Variants in NRG1 observed in about 807,000 individuals in gnomAD.
NRG1 encodes pro-neuregulin-1, membrane-bound isoform.
In NRG1, 18 loss-of-function variants were observed where a neutral mutation model predicts 63.8. The ratio of observed to expected loss-of-function variants is 0.28; its 90% confidence interval spans 0.19 to 0.42. NRG1 has a LOEUF of 0.42. Ranked by LOEUF, NRG1 falls within the 10% of genes least tolerant of loss-of-function variation. The probability of loss-of-function intolerance (pLI) is 1.00; values close to 1 mark genes in which losing one functional copy is unlikely to be tolerated. For missense variants in NRG1, 762 were observed against 814.7 expected (o/e 0.94, Z 0.79); for synonymous variants, 302 against 301.3 (o/e 1.00, Z -0.02).
chr8:32,197,145 C>T (rs1473751171), intron 1 of NRG1, among the ~76,000 whole-genome samples: 5 of 151,338 alleles, frequency 3.3e-5, no homozygotes, highest in Non-Finnish European at 5.9e-5. Context: ...TTTTTTAGTA[C>T]AAAATGGGAT....
rs1816459304 is a variant in NRG1 at position 31,751,495 on chromosome 8, G to A, written c.37+112064G>A. 4.6e-5 allele frequency among the ~76,000 whole-genome samples: 7 copies of A among 151,902 alleles called. No individual in the cohort carries two copies. In the South Asian group the frequency reaches 1.4e-3, roughly 31 times the overall value. On this transcript the variant is annotated intron_variant, in intron 1 of 10. Transcript: ENST00000519301. ...GAGAGTGTGGGAGAGTACTATATAA[G>A]CTAAGAGGGAGGATATAGGCAGGAG...
intron 1 of NRG1, among the ~76,000 whole-genome samples, chr8:32,104,523 A>G (rs1831006998): frequency 6.6e-6 from 1 of 152,294 alleles, no homozygotes; most frequent in African/African-American, 2.4e-5. Context: ...AATTAATGTT[A>G]GCTTACTGTA....
chr8:32,640,692 CT>C (rs761711796), intron 5 of NRG1, among the ~76,000 whole-genome samples: 1 of 151,630 alleles, frequency 6.6e-6, no homozygotes, highest in Non-Finnish European at 1.5e-5. Flanking sequence ...GTCATTGAGA[CT>C]CTGAATTCAA....
intron 1 of NRG1, among the ~76,000 whole-genome samples, chr8:32,447,841 C>T (rs1475066835): frequency 6.9e-6 from 1 of 145,572 alleles, no homozygotes; most frequent in Non-Finnish European, 1.5e-5. Context: ...AAAGCCAAAC[C>T]CTGTGTCAAA....
At chr8:31,757,038 T>C (rs968673358) in intron 1 of NRG1, among the ~76,000 whole-genome samples, 1 of 152,204 alleles carries the variant, frequency 6.6e-6, no homozygotes, top group Admixed American at 6.5e-5. Flanking sequence ...TGCAAAGTTA[T>C]AGGCATCCTT....
At chr8:31,858,024 G>A (rs1227723414) in intron 1 of NRG1, among the ~76,000 whole-genome samples, 3 of 152,212 alleles carry the variant, frequency 2.0e-5, no homozygotes, top group Non-Finnish European at 4.4e-5. Flanking sequence ...GAAGGGCCAG[G>A]CATGGTGGCT....
chr8:32,567,270 C>A (rs1334947170), intron 1 of NRG1, among the ~76,000 whole-genome samples: 1 of 152,112 alleles, frequency 6.6e-6, no homozygotes, highest in Non-Finnish European at 1.5e-5. Flanking sequence ...ACTTTATAAA[C>A]CAAAATGTCA....
intron 5 of NRG1, among the ~76,000 whole-genome samples, chr8:32,718,372 C>T (rs1168384043): frequency 2.6e-5 from 4 of 151,998 alleles, no homozygotes; most frequent in Non-Finnish European, 5.9e-5. Context: ...GAATATGATC[C>T]CTATTCTTTT....
rs150613973 is a variant in NRG1 at position 32,510,712 on chromosome 8, G to A, written c.38-85116G>A. 3.8e-3 allele frequency among the ~76,000 whole-genome samples: 584 copies of A among 152,150 alleles called. 5 individuals carry two copies. The highest frequency in any genetic ancestry group is 0.013 in the African/African-American group (557 of 41,542). ...AAAGGGCTCAGCCAGGCACCCAGAA[G>A]CCTCAGGGCCACCGCACCCTAAGGA... On this transcript the variant is annotated intron_variant, in intron 1 of 10. Coordinates refer to the NRG1 transcript ENST00000519301.
At chr8:32,362,172 A>G (rs1457576965) in intron 1 of NRG1, among the ~76,000 whole-genome samples, 2 of 152,218 alleles carry the variant, frequency 1.3e-5, no homozygotes, top group African/African-American at 4.8e-5. Flanking sequence ...TCCCTTGTAC[A>G]TTGCAGCCCT....
At chr8:32,264,791 T>C (rs1236964775) in intron 1 of NRG1, among the ~76,000 whole-genome samples, 2 of 151,968 alleles carry the variant, frequency 1.3e-5, no homozygotes, top group African/African-American at 4.8e-5. Context: ...CTATTAGTGG[T>C]TCCAATACTG....
At chr8:32,498,520 T>TCACTCACTATC (rs1300211741) in intron 1 of NRG1, among the ~76,000 whole-genome samples, 93 of 152,280 alleles carry the variant, frequency 6.1e-4, no homozygotes, top group African/African-American at 2.2e-3. Context: ...CATCAGATCC[T>TCACTCACTATC]GTGAGAACTC....
chr8:31,722,360 T>C (rs1813004510), intron 1 of NRG1, among the ~76,000 whole-genome samples: 1 of 152,140 alleles, frequency 6.6e-6, no homozygotes, highest in Admixed American at 6.6e-5. Flanking sequence ...GTGTCTAATG[T>C]GATGTCTTTC....
At chr8:32,272,644 T>C (rs1198428608) in intron 1 of NRG1, among the ~76,000 whole-genome samples, 2 of 152,132 alleles carry the variant, frequency 1.3e-5, no homozygotes, top group Admixed American at 1.3e-4. Context: ...GGAATCTGGG[T>C]TGCTGGATGC....
intron 1 of NRG1, among the ~76,000 whole-genome samples, chr8:31,685,226 G>A (rs1378774828): frequency 2.0e-5 from 3 of 151,882 alleles, no homozygotes; most frequent in Non-Finnish European, 4.4e-5. Flanking sequence ...ATGGACATGG[G>A]GATAATTCAC....
At chr8:32,459,604 A>T (rs10113754) in intron 1 of NRG1, among the ~76,000 whole-genome samples, 85,233 of 146,964 alleles carry the variant, frequency 0.58, 24,560 homozygotes, top group East Asian at 0.88. Context: ...ATTTCTAATT[A>T]AAAAAAAAAA....
chr8:31,735,193 C>A (rs972413966), intron 1 of NRG1, among the ~76,000 whole-genome samples: 2 of 152,090 alleles, frequency 1.3e-5, no homozygotes, highest in Non-Finnish European at 2.9e-5. Flanking sequence ...CCCTGACCAC[C>A]CCCATCCTCC....
intron 1 of NRG1, among the ~76,000 whole-genome samples, chr8:31,847,024 A>G (rs1826753294): frequency 6.6e-6 from 1 of 152,194 alleles, no homozygotes; most frequent in African/African-American, 2.4e-5. Flanking sequence ...TGTGATTCCT[A>G]GATAAGTTCT....
chr8:32,504,117 C>G (rs1828242707), intron 1 of NRG1, among the ~76,000 whole-genome samples: 1 of 152,214 alleles, frequency 6.6e-6, no homozygotes, highest in African/African-American at 2.4e-5. Flanking sequence ...AGCCCACTTA[C>G]CCAACTCCTG....
Sources: allele counts gnomAD v4.1 joint callset (sites outside exome capture counted in the v4.1 genomes callset), GRCh38; gene constraint gnomAD v4.1.1; transcripts MANE v1.5; gene names NCBI Gene and HGNC (gene_info 2026-07-23, HGNC 2026-07-21).